The following PPP1R13B variants were observed in gnomAD, a reference collection of about 807,000 sequenced individuals.
The protein encoded by PPP1R13B is apoptosis-stimulating of p53 protein 1.
Under a neutral mutation model 119.8 loss-of-function variants are expected in PPP1R13B, and 44 were observed. That is an observed-to-expected ratio of 0.37 (90% CI 0.29 to 0.47). The LOEUF (loss-of-function observed/expected upper bound fraction) is 0.47. Among genes scored for constraint, PPP1R13B ranks in the 20% least tolerant of loss-of-function variants. The pLI is 0.99. For missense variants in PPP1R13B, 1,227 were observed against 1,413.5 expected (o/e 0.87, Z 2.12); for synonymous variants, 542 against 561.5 (o/e 0.97, Z 0.49).
intron 1 of PPP1R13B, among the ~76,000 whole-genome samples, chr14:103,813,718 G>A (rs2086213205): frequency 6.6e-6 from 1 of 151,984 alleles, no homozygotes; most frequent in African/African-American, 2.4e-5. Flanking sequence ...AGTAACATAG[G>A]GTGTTTTCTC....
chr14:103,757,930 A>C (rs531960277), intron 4 of PPP1R13B, among the ~76,000 whole-genome samples, 179 bp from the exon 5 acceptor site: 1 of 152,228 alleles, frequency 6.6e-6, no homozygotes, highest in Non-Finnish European at 1.5e-5. Context: ...TGAAATATAA[A>C]TAACTGTTTT....
At chr14:103,801,850 G>A (rs1265951624) in intron 1 of PPP1R13B, among the ~76,000 whole-genome samples, 1 of 152,102 alleles carries the variant, frequency 6.6e-6, no homozygotes, top group Non-Finnish European at 1.5e-5. Flanking sequence ...TATCCAGTCT[G>A]TTCAATAAAC....
At chr14:103,757,293 ATCC>A (rs1321593485) in intron 5 of PPP1R13B, among the ~76,000 whole-genome samples, 1 of 152,132 alleles carries the variant, frequency 6.6e-6, no homozygotes. Flanking sequence ...GGCTCCAGCA[ATCC>A]TCCTGCCTTG....
At chr14:103,774,538 G>A (rs981286800) in intron 4 of PPP1R13B, among the ~76,000 whole-genome samples, 3 of 152,136 alleles carry the variant, frequency 2.0e-5, no homozygotes, top group African/African-American at 7.2e-5. Context: ...AACCTGACTT[G>A]CTGGCCTACA....
At position 103,847,503 on chromosome 14, in the gene PPP1R13B, C is replaced by T. The variant is rs1050198222; in HGVS notation, c.-196G>A. 49 of 985,258 alleles carry T rather than the reference C, an allele frequency of 5.0e-5. 3 individuals carry two copies. In the Admixed American group the frequency reaches 2.8e-3, roughly 56 times the overall value. The allele number at this position is 985,258 out of a possible 1,614,324, so 61.0% of individuals were successfully genotyped here. A position where few individuals can be genotyped will look rare whatever the true frequency, so the allele number is the denominator to read the frequency against. Reference sequence around the variant, plus strand: ...TCGCGGCCGCCGGCGCGCTGCGTCGCTGTCCCGGGCACCCGGCCGCCGCCG... The same window carrying T: ...TCGCGGCCGCCGGCGCGCTGCGTCGTTGTCCCGGGCACCCGGCCGCCGCCG... On this transcript the variant is annotated 5_prime_UTR_variant, in exon 1 of 17. Transcript: ENST00000202556.
At chr14:103,797,552 T>C (rs767244819) in intron 1 of PPP1R13B, 34 bp from the exon 2 acceptor site, 11 of 1,574,588 alleles carry the variant, frequency 7.0e-6, no homozygotes, top group Non-Finnish European at 9.6e-6. Flanking sequence ...GTAATTTAGA[T>C]TCCTTATCAC....
chr14:103,848,612 G>T, upstream of PPP1R13B: 1 of 576,886 alleles, frequency 1.7e-6, no homozygotes, highest in Non-Finnish European at 2.2e-6. Context: ...GAAGGCGTAA[G>T]CCGCCCTGGG....
At chr14:103,765,573 G>T (rs1287908471) in intron 4 of PPP1R13B, among the ~76,000 whole-genome samples, 1 of 152,114 alleles carries the variant, frequency 6.6e-6, no homozygotes, top group Non-Finnish European at 1.5e-5. Context: ...GCTGCTGCTC[G>T]AAAGTGCTCT....
intron 9 of PPP1R13B, chr14:103,744,023 C>G (rs2084325445): frequency 6.6e-6 from 1 of 152,274 alleles, no homozygotes; most frequent in Non-Finnish European, 1.5e-5. Context: ...TCCAAGGCCC[C>G]TGGACCAACT....
At chr14:103,797,777 G>A (rs2085794470) in intron 1 of PPP1R13B, among the ~76,000 whole-genome samples, 1 of 151,700 alleles carries the variant, frequency 6.6e-6, no homozygotes. Flanking sequence ...CATGACAGCA[G>A]TAGATATATA....
In PPP1R13B at chr14:103,811,836, C is replaced by A. The variant is rs569970910; in HGVS notation, c.10-14318G>T. ...CTTTGGGAGGCCAAGGCTGGCAGAT[C>A]ATGAGGTCAGGAGATCAAGATCATC... On this transcript the variant is annotated intron_variant, in intron 1 of 16. Transcript: ENST00000202556. Among the ~76,000 whole-genome samples the A allele has an allele frequency of 5.6e-3, 850 of 151,756 alleles. 4 individuals carry two copies. The highest frequency in any genetic ancestry group is 9.9e-3 in the Non-Finnish European group (675 of 67,938).
chr14:103,803,865 T>TCCTGA (rs1307456431), intron 1 of PPP1R13B, among the ~76,000 whole-genome samples: 1 of 152,094 alleles, frequency 6.6e-6, no homozygotes, highest in Non-Finnish European at 1.5e-5. Flanking sequence ...TCTCTACCCA[T>TCCTGA]CCTGACCTGA....
chr14:103,821,755 AAAAT>A (rs1422744606), intron 1 of PPP1R13B, among the ~76,000 whole-genome samples: 4 of 152,104 alleles, frequency 2.6e-5, no homozygotes, highest in Non-Finnish European at 5.9e-5. Flanking sequence ...CCACCTCAAA[AAAAT>A]AAATAAATAA....
chr14:103,804,548 C>A (rs534658531), intron 1 of PPP1R13B, among the ~76,000 whole-genome samples: 1 of 151,954 alleles, frequency 6.6e-6, no homozygotes, highest in Non-Finnish European at 1.5e-5. Flanking sequence ...CATGGTGAGA[C>A]CCCATCTCTA....
At chr14:103,825,816 A>G (rs889607251) in intron 1 of PPP1R13B, among the ~76,000 whole-genome samples, 5 of 151,540 alleles carry the variant, frequency 3.3e-5, no homozygotes, top group Non-Finnish European at 7.4e-5. Context: ...ACTACACTAA[A>G]CAACACTGTA....
chr14:103,796,964 AAAAAACAAAAAC>A (rs1222915115), intron 2 of PPP1R13B, among the ~76,000 whole-genome samples: 3 of 152,048 alleles, frequency 2.0e-5, no homozygotes, highest in African/African-American at 7.2e-5. Flanking sequence ...GTCAGAAAAC[AAAAAACAAAAAC>A]AAAAACAGTT....
intron 1 of PPP1R13B, among the ~76,000 whole-genome samples, chr14:103,813,551 A>T (rs547623884): frequency 5.3e-5 from 8 of 152,234 alleles, no homozygotes; most frequent in Admixed American, 4.6e-4. Flanking sequence ...CCCTGCTGGC[A>T]TTCGTTCTCT....
chr14:103,785,675 C>A (rs2085446092), intron 2 of PPP1R13B, among the ~76,000 whole-genome samples: 1 of 151,938 alleles, frequency 6.6e-6, no homozygotes, highest in Non-Finnish European at 1.5e-5. Context: ...CCATGACCAG[C>A]TAATTTTTGT....
At chr14:103,815,184 G>A (rs2152063425) in intron 1 of PPP1R13B, among the ~76,000 whole-genome samples, 1 of 152,228 alleles carries the variant, frequency 6.6e-6, no homozygotes, top group Middle Eastern at 3.4e-3. Context: ...GATACAAAAT[G>A]TTCACATATT....
Sources: allele counts gnomAD v4.1 joint callset (sites outside exome capture counted in the v4.1 genomes callset), GRCh38; gene constraint gnomAD v4.1.1; transcripts MANE v1.5; gene names NCBI Gene and HGNC (gene_info 2026-07-23, HGNC 2026-07-21).